The following CACNA2D3 variants were observed in gnomAD, a reference collection of about 807,000 sequenced individuals.
CACNA2D3 encodes the protein voltage-dependent calcium channel subunit alpha-2/delta-3.
A neutral mutation model predicts 160.6 loss-of-function variants in CACNA2D3; 60 were observed. That is an observed-to-expected ratio of 0.37 (90% confidence interval 0.30 to 0.46). The LOEUF is 0.46. Among genes scored for constraint, CACNA2D3 ranks in the 20% least tolerant of loss-of-function variants. CACNA2D3 has a pLI of 1.00. For synonymous variants in CACNA2D3, 558 were observed against 492.9 expected (o/e 1.13, Z -1.75); for missense variants, 1,205 against 1,365.0 (o/e 0.88, Z 1.85).
chr3:54,201,906 A>G (rs993762604), intron 2 of CACNA2D3, among the ~76,000 whole-genome samples: 1 of 152,140 alleles, frequency 6.6e-6, no homozygotes, highest in Admixed American at 6.5e-5. Flanking sequence ...GCACATCAGA[A>G]CTCTGTGAAT....
At chr3:54,898,162 CTTTCTTTTCTTTTCT>C (rs10530912) in intron 26 of CACNA2D3, among the ~76,000 whole-genome samples, 1,608 of 119,034 alleles carry the variant, frequency 0.014, 33 homozygotes, top group Admixed American at 0.054. Flanking sequence ...CTTTCTTTAT[CTTTCTTTTCTTTTCT>C]TTTCTTTTCT....
At chr3:54,332,899 G>C (rs1429827720) in intron 3 of CACNA2D3, among the ~76,000 whole-genome samples, 1 of 152,130 alleles carries the variant, frequency 6.6e-6, no homozygotes, top group Non-Finnish European at 1.5e-5. Flanking sequence ...TCCCCACATG[G>C]AGTTTATGTG....
chr3:54,606,931 C>T (rs952934867), intron 9 of CACNA2D3, among the ~76,000 whole-genome samples: 26 of 152,210 alleles, frequency 1.7e-4, no homozygotes, highest in African/African-American at 5.8e-4. Context: ...TCGCTTCATG[C>T]TTGCCTGCAT....
At chr3:54,469,745 T>C (rs1162818844) in intron 4 of CACNA2D3, among the ~76,000 whole-genome samples, 1 of 152,010 alleles carries the variant, frequency 6.6e-6, no homozygotes, top group East Asian at 1.9e-4. Context: ...AATGACCTGA[T>C]GGAGCTGAAA....
At chr3:54,926,045 A>G (rs1647239293) in intron 27 of CACNA2D3, among the ~76,000 whole-genome samples, 1 of 152,182 alleles carries the variant, frequency 6.6e-6, no homozygotes, top group African/African-American at 2.4e-5. Flanking sequence ...CTTTCAACTC[A>G]GAAGAGCAAT....
At chr3:54,462,184 G>A (rs1700518315) in intron 4 of CACNA2D3, among the ~76,000 whole-genome samples, 1 of 152,122 alleles carries the variant, frequency 6.6e-6, no homozygotes, top group African/African-American at 2.4e-5. Flanking sequence ...GCTGAGGAGA[G>A]CTTTACTTCC....
At chr3:55,029,851 T>C (rs146285985) in intron 35 of CACNA2D3, among the ~76,000 whole-genome samples, 1 of 152,358 alleles carries the variant, frequency 6.6e-6, no homozygotes, top group Non-Finnish European at 1.5e-5. Flanking sequence ...GAAATATTTT[T>C]GTATCTCCTG....
chr3:54,456,458 T>C (rs1315778841), intron 4 of CACNA2D3, among the ~76,000 whole-genome samples: 3 of 151,990 alleles, frequency 2.0e-5, no homozygotes, highest in South Asian at 4.1e-4. Context: ...TCTAAGAGTT[T>C]TGGTGGAGTC....
intron 27 of CACNA2D3, among the ~76,000 whole-genome samples, chr3:54,948,891 A>G (rs192775853): frequency 2.2e-4 from 33 of 152,298 alleles, no homozygotes; most frequent in African/African-American, 7.7e-4. Context: ...AAATTAAAGG[A>G]AGTTGATTAT....
rs144676012 is a variant in CACNA2D3, at chr3:54,871,425, C to T, written c.1627-114C>T. ...ACCCTGCTGGGCTTCTCACCCTCAT[C>T]GGTCCACTCCCAAGCCCTGTCCATG... On this transcript the variant is annotated intron_variant, in intron 17 of 37. Coordinates refer to ENST00000474759, the MANE Select transcript of CACNA2D3 (RefSeq NM_018398.3). The T allele has an allele frequency of 1.6e-3, 1,136 of 703,242 alleles. 10 individuals carry two copies. In the African/African-American group the frequency reaches 0.016, roughly 10 times the overall value. The allele number at this position is 703,242 out of a possible 1,614,324, so 43.6% of individuals were successfully genotyped here.
At chr3:54,154,799 G>A (rs914303354) in intron 2 of CACNA2D3, among the ~76,000 whole-genome samples, 12 of 151,838 alleles carry the variant, frequency 7.9e-5, no homozygotes, top group South Asian at 2.1e-4. Flanking sequence ...ATTCTGTTCC[G>A]TCAAACAAAA....
chr3:55,018,763 T>G (rs1222809541), intron 35 of CACNA2D3, among the ~76,000 whole-genome samples: 1 of 152,136 alleles, frequency 6.6e-6, no homozygotes, highest in Admixed American at 6.5e-5. Flanking sequence ...GAGCCTCTTT[T>G]AATGGCTTTA....
chr3:54,703,053 A>C (rs1171105103), intron 11 of CACNA2D3, among the ~76,000 whole-genome samples: 8 of 152,126 alleles, frequency 5.3e-5, no homozygotes, highest in African/African-American at 1.9e-4. Context: ...CAAAGAGGGG[A>C]ACGATAGACA....
At chr3:55,066,779 G>C (rs1344592997) in intron 35 of CACNA2D3, among the ~76,000 whole-genome samples, 1 of 151,970 alleles carries the variant, frequency 6.6e-6, no homozygotes, top group Non-Finnish European at 1.5e-5. Context: ...TTTATTTCAC[G>C]CATTTTGACC....
At chr3:54,946,940 A>T (rs959852797) in intron 27 of CACNA2D3, among the ~76,000 whole-genome samples, 1 of 152,192 alleles carries the variant, frequency 6.6e-6, no homozygotes, top group South Asian at 2.1e-4. Flanking sequence ...ATAGTTAAGC[A>T]TTGTGAAAAA....
At chr3:54,783,599 C>T (rs1319454811) in intron 13 of CACNA2D3, among the ~76,000 whole-genome samples, 2 of 151,616 alleles carry the variant, frequency 1.3e-5, no homozygotes, top group Non-Finnish European at 2.9e-5. Context: ...GAGTAAGACT[C>T]CATCTCAAAT....
chr3:54,990,680 T>C (rs1273618555), intron 31 of CACNA2D3, among the ~76,000 whole-genome samples: 2 of 152,124 alleles, frequency 1.3e-5, no homozygotes, highest in Admixed American at 1.3e-4. Context: ...TTTTGCTGCC[T>C]CTCTCCAGGG....
intron 3 of CACNA2D3, among the ~76,000 whole-genome samples, chr3:54,358,575 C>T (rs908936598): frequency 2.0e-5 from 3 of 152,160 alleles, no homozygotes; most frequent in African/African-American, 7.2e-5. Context: ...GCCTCAAGGC[C>T]CTTGAGCAAT....
intron 29 of CACNA2D3, among the ~76,000 whole-genome samples, chr3:54,970,494 TCC>T (rs1702248737): frequency 1.1e-3 from 1 of 932 alleles, no homozygotes. Flanking sequence ...TCCCTTCCCC[TCC>T]CCTCCCCTCC....
Sources: gnomAD v4.1 joint callset for allele counts (sites outside exome capture counted in the v4.1 genomes callset) on GRCh38, gnomAD v4.1.1 for gene constraint, MANE v1.5 for transcripts, NCBI Gene and HGNC (gene_info 2026-07-23, HGNC 2026-07-21) for gene names.